SCN8A: variants seen among roughly 807,000 people sequenced by gnomAD.
The protein encoded by SCN8A is sodium channel protein type 8 subunit alpha.
SCN8A carries 30 observed loss-of-function variants against 184.1 expected under a neutral mutation model. The observed-to-expected ratio is 0.16, with a 90% CI of 0.12 to 0.22. The LOEUF (loss-of-function observed/expected upper bound fraction) is 0.22. SCN8A is among the 10% of genes least tolerant of loss of function. The pLI, the probability that SCN8A is intolerant of heterozygous loss-of-function variation, is 1.00. For synonymous variants in SCN8A, 852 were observed against 907.0 expected (o/e 0.94, Z 1.09); for missense variants, 1,057 against 2,498.9 (o/e 0.42, Z 12.30).
intron 17 of SCN8A, 88 bp from the exon 18 acceptor site, chr12:51,769,780 C>T (rs952800366): frequency 5.9e-6 from 5 of 851,400 alleles, no homozygotes; most frequent in African/African-American, 3.4e-5. Context: ...AGAGCTGGCC[C>T]CTCATCCCCA....
At chr12:51,805,957 T>A (rs1938689596) in intron 26 of SCN8A, among the ~76,000 whole-genome samples, 1 of 152,116 alleles carries the variant, frequency 6.6e-6, no homozygotes, top group South Asian at 2.1e-4. Context: ...GCCTCCCAAG[T>A]AACTGGAATT....
intron 2 of SCN8A, among the ~76,000 whole-genome samples, chr12:51,679,629 T>TA: frequency 6.6e-6 from 1 of 152,266 alleles, no homozygotes; most frequent in Non-Finnish European, 1.5e-5. Flanking sequence ...GTATATTACT[T>TA]ATCTCTTTCT....
rs1232210116 is a variant in SCN8A at position 51,806,561 on chromosome 12, G to A, written c.5075G>A (p.Gly1692Asp). 6.2e-7 allele frequency: 1 copy of A among 1,614,150 alleles called. No individual in the cohort carries two copies. Among genetic ancestry groups the A allele is most frequent in the Non-Finnish European group, 8.5e-7 (1 of 1,180,036 alleles). ...IDDMFNFETF[G>D]NSMICLFQIT... ...GACATGTTCAACTTTGAGACATTTG[G>A]CAACAGCATGATCTGCCTGTTTCAA... Residue 1692 changes from glycine (G) to aspartate (D), a missense_variant, in exon 27 of 27, where the codon GGC becomes GAC. By Grantham distance (94) the Gly-to-Asp change is moderately conservative (BLOSUM62 -1). Around this residue, in one of 19 missense-constraint regions of SCN8A, gnomAD observed 19 missense variants for 41.6 expected, o/e 0.46. Coordinates refer to ENST00000627620, the MANE Select transcript of SCN8A (RefSeq NM_001330260.2). This position sits in a 1 kb window ranked among gnomAD's most constrained non-coding sequence, Gnocchi z 8.7.
At chr12:51,608,835 T>G (rs1431892005) in intron 1 of SCN8A, among the ~76,000 whole-genome samples, 1 of 152,210 alleles carries the variant, frequency 6.6e-6, no homozygotes, top group African/African-American at 2.4e-5. Flanking sequence ...AGATGTCAGT[T>G]TATGCTCTTA....
chr12:51,744,478 T>C (rs1430213138), intron 12 of SCN8A, among the ~76,000 whole-genome samples: 5 of 152,098 alleles, frequency 3.3e-5, no homozygotes, highest in Admixed American at 1.3e-4. Flanking sequence ...AGTGTAGTAA[T>C]GCAGCAAGGA....
chr12:51,738,230 G>A (rs1317886126), intron 12 of SCN8A, among the ~76,000 whole-genome samples: 2 of 152,082 alleles, frequency 1.3e-5, no homozygotes. Flanking sequence ...AATTGTTCTG[G>A]AATTAGAACT....
chr12:51,727,206 A>G (rs994807175), intron 12 of SCN8A, among the ~76,000 whole-genome samples: 10 of 152,130 alleles, frequency 6.6e-5, no homozygotes, highest in Admixed American at 6.5e-4. Context: ...GAGAAATGGA[A>G]CAAACTTGTA....
chr12:51,602,375 C>G (rs1411758213), intron 1 of SCN8A, among the ~76,000 whole-genome samples: 1 of 152,026 alleles, frequency 6.6e-6, no homozygotes, highest in Non-Finnish European at 1.5e-5. Context: ...TTGTATAATT[C>G]CACTTATGTG....
chr12:51,598,897 C>T (rs1316921640), intron 1 of SCN8A, among the ~76,000 whole-genome samples: 1 of 152,110 alleles, frequency 6.6e-6, no homozygotes, highest in East Asian at 1.9e-4. Context: ...GTTAGTTACC[C>T]CTTTTCCTTA....
chr12:51,597,097 G>A (rs903540871), intron 1 of SCN8A, among the ~76,000 whole-genome samples: 1 of 152,158 alleles, frequency 6.6e-6, no homozygotes, highest in African/African-American at 2.4e-5. Flanking sequence ...GTATGGAGAT[G>A]TGTCATACTG....
At chr12:51,803,928 G>T (rs1938621811) in intron 26 of SCN8A, among the ~76,000 whole-genome samples, 1 of 152,178 alleles carries the variant, frequency 6.6e-6, no homozygotes, top group African/African-American at 2.4e-5. Context: ...CTTCAAAGGG[G>T]ATTCTATAGC....
Position 51,794,628 on chromosome 12 carries a change from C to T in SCN8A, c.4782C>T (p.Ile1594=), listed in dbSNP as rs1938357568. The change falls in exon 26 of 27, where the codon ATC becomes ATT. Residue 1594 remains isoleucine, a synonymous_variant. Coordinates refer to ENST00000627620, the MANE Select transcript of SCN8A (RefSeq NM_001330260.2). ...ACATCTTCGACTTCGTGGTAGTCAT[C>T]CTCTCCATTGTGGGTGAGTGGGGTT... ...GWNIFDFVVV[I]LSIVGMFLAD... 6.2e-7 allele frequency: 1 copy of T among 1,613,834 alleles called. No individual in the cohort carries two copies. The highest frequency in any genetic ancestry group is 8.5e-7 in the Non-Finnish European group (1 of 1,179,834).
In SCN8A at chr12:51,788,186, A is replaced by G. The variant is rs982158677; in HGVS notation, c.4228-509A>G. Among the ~76,000 whole-genome samples, 3 of 152,068 alleles carry G rather than the reference A, an allele frequency of 2.0e-5. No individual in the cohort carries two copies. In the South Asian group the frequency reaches 6.2e-4, roughly 32 times the overall value. ...TGTCAAGGATAAAGCTGGTATTGCT[A>G]CTACATAGGCTATACATGTGTATAT... On this transcript the variant is annotated intron_variant, in intron 22 of 26. Coordinates refer to ENST00000627620, the MANE Select transcript of SCN8A (RefSeq NM_001330260.2).
In SCN8A at chr12:51,686,359, C is replaced by A. The variant is rs1941419999; in HGVS notation, c.396-9C>A. 6.3e-7 allele frequency: 1 copy of A among 1,587,646 alleles called. No homozygotes were observed. The highest frequency in any genetic ancestry group is 8.6e-7 in the Non-Finnish European group (1 of 1,157,696). The stretch of plus-strand genomic sequence containing the variant: ...CAGATTTTAATATTGCCCCTTGACT[C>A]TTCTCTACAGTATTTAGCATGATCA... On this transcript the variant is annotated splice_polypyrimidine_tract_variant and intron_variant, in intron 3 of 26. Coordinates refer to ENST00000627620, the MANE Select transcript of SCN8A (RefSeq NM_001330260.2).
At chr12:51,603,103 C>T (rs902083716) in intron 1 of SCN8A, among the ~76,000 whole-genome samples, 39 of 152,014 alleles carry the variant, frequency 2.6e-4, no homozygotes, top group Non-Finnish European at 3.5e-4. Flanking sequence ...TTCATGTAAC[C>T]GTGCCACAAT....
In SCN8A at chr12:51,746,061, A is replaced by C. The variant is rs138151588; in HGVS notation, c.2131+26A>C. On this transcript the variant is annotated intron_variant, in intron 13 of 26. Coordinates refer to ENST00000627620, the MANE Select transcript of SCN8A (RefSeq NM_001330260.2). Reference sequence around the variant, plus strand: ...GTATGTGCCCTATAATGTCAGTCCAACCGCTGAGATATAAATATGTAATGT... The same window carrying C: ...GTATGTGCCCTATAATGTCAGTCCACCCGCTGAGATATAAATATGTAATGT... 1,514 of 1,563,090 alleles carry C rather than the reference A, an allele frequency of 9.7e-4. 13 individuals are homozygous for C. The African/African-American group carries it at 0.019, about 19-fold the overall frequency.
chr12:51,804,894 A>G (rs60940714), intron 26 of SCN8A, among the ~76,000 whole-genome samples: 24,458 of 152,190 alleles, frequency 0.16, 2,319 homozygotes, highest in East Asian at 0.4. Context: ...AGGTAGGGCT[A>G]TGGGAAACCA....
intron 2 of SCN8A, among the ~76,000 whole-genome samples, chr12:51,665,064 A>G (rs4761827): frequency 0.99 from 150,252 of 152,336 alleles, 74,131 homozygotes; most frequent in Middle Eastern, 1. Flanking sequence ...ACATGATCTC[A>G]TTTCTAATTT....
At chr12:51,592,328 G>A (rs1939245405) in intron 1 of SCN8A, among the ~76,000 whole-genome samples, 1 of 151,854 alleles carries the variant, frequency 6.6e-6, no homozygotes, top group Non-Finnish European at 1.5e-5. Context: ...CTTTCCAGGG[G>A]TTAGCCAGGA....
Sources: gnomAD v4.1 joint callset for allele counts (sites outside exome capture counted in the v4.1 genomes callset) on GRCh38, gnomAD v4.1.1 for gene constraint, gnomAD v4.1.1 regional missense constraint, Gnocchi (gnomAD v3.1) non-coding constraint, MANE v1.5 for transcripts, NCBI Gene and HGNC (gene_info 2026-07-23, HGNC 2026-07-21) for gene names.